The following PTPRM variants were observed in gnomAD, a reference collection of about 807,000 sequenced individuals.
PTPRM encodes the protein protein tyrosine phosphatase receptor type M, also known as receptor-type tyrosine-protein phosphatase mu.
In PTPRM, 47 loss-of-function variants were observed where a neutral mutation model predicts 186.7. The ratio of observed to expected loss-of-function variants is 0.25; its 90% confidence interval spans 0.20 to 0.32. The LOEUF (loss-of-function observed/expected upper bound fraction) is 0.32. Among genes scored for constraint, PTPRM ranks in the 10% least tolerant of loss-of-function variants. The pLI, the probability that PTPRM is intolerant of heterozygous loss-of-function variation, is 1.00. For missense variants in PTPRM, 1,494 were observed against 1,865.0 expected, an observed-to-expected ratio of 0.80 and a Z score of 3.66; for synonymous variants, 668 against 674.9, an observed-to-expected ratio of 0.99 and a Z score of 0.16.
At chr18:8,303,891 G>A (rs1198079839) in intron 20 of PTPRM, among the ~76,000 whole-genome samples, 1 of 152,168 alleles carries the variant, frequency 6.6e-6, no homozygotes, top group Non-Finnish European at 1.5e-5. Context: ...GGCACACTGG[G>A]TCTCCTGTAG....
intron 23 of PTPRM, among the ~76,000 whole-genome samples, chr18:8,363,976 G>T (rs1268741007): frequency 1.3e-5 from 2 of 152,216 alleles, no homozygotes; most frequent in African/African-American, 4.8e-5. Flanking sequence ...TTGGAAAACA[G>T]ACGCTTTGTG....
intron 5 of PTPRM, among the ~76,000 whole-genome samples, chr18:7,940,970 A>C (rs922620722): frequency 6.6e-6 from 1 of 152,186 alleles, no homozygotes; most frequent in Non-Finnish European, 1.5e-5. Context: ...TATGAAATAA[A>C]ATAAAAAATC....
At position 7,885,264 on chromosome 18, in the gene PTPRM, C is replaced by CT. The variant is rs202087033; in HGVS notation, c.197-2834dup. Among the ~76,000 whole-genome samples, 505 of 151,994 alleles carry CT rather than the reference C, an allele frequency of 3.3e-3. 1 individual carries two copies. Among genetic ancestry groups the CT allele is most frequent in the Middle Eastern group, 0.01 (3 of 294 alleles). On this transcript the variant is annotated intron_variant, in intron 2 of 32. Transcript: ENST00000580170. Reference sequence around the variant, plus strand: ...GTTTGTCTTCTTCATCAGTCCTTTTCTTTTTTTTGTCCTTTTTAAACACAG... The same window carrying CT: ...GTTTGTCTTCTTCATCAGTCCTTTTCTTTTTTTTTGTCCTTTTTAAACACAG...
At chr18:7,781,953 C>T (rs1290930561) in intron 2 of PTPRM, among the ~76,000 whole-genome samples, 2 of 152,124 alleles carry the variant, frequency 1.3e-5, no homozygotes, top group South Asian at 2.1e-4. Flanking sequence ...AGTGAGCATT[C>T]GTCCTCCCTA....
At chr18:8,084,946 T>C (rs2090352770) in intron 9 of PTPRM, among the ~76,000 whole-genome samples, 1 of 152,176 alleles carries the variant, frequency 6.6e-6, no homozygotes, top group East Asian at 1.9e-4. Context: ...TGAAAACTTC[T>C]AGAACTGCAC....
At chr18:8,198,926 C>G (rs6506555) in intron 14 of PTPRM, among the ~76,000 whole-genome samples, 89,703 of 151,948 alleles carry the variant, frequency 0.59, 27,518 homozygotes, top group East Asian at 0.84. Flanking sequence ...AGCAGACAAA[C>G]TCAGGTAATG....
At chr18:8,096,808 A>T (rs868685547) in intron 11 of PTPRM, among the ~76,000 whole-genome samples, 7 of 152,232 alleles carry the variant, frequency 4.6e-5, no homozygotes, top group Non-Finnish European at 8.8e-5. Flanking sequence ...TTTGAGAAAG[A>T]TTAACTGATT....
chr18:7,699,590 A>G (rs1470455695), intron 1 of PTPRM, among the ~76,000 whole-genome samples: 2 of 152,020 alleles, frequency 1.3e-5, no homozygotes, highest in Non-Finnish European at 2.9e-5. Context: ...TGTGTTTTCT[A>G]GTAGAGACGG....
chr18:7,805,024 G>A (rs938368596), intron 2 of PTPRM, among the ~76,000 whole-genome samples: 9 of 152,236 alleles, frequency 5.9e-5, no homozygotes, highest in East Asian at 3.9e-4. Context: ...AAATATATTC[G>A]AGTGTGGTTA....
intron 1 of PTPRM, among the ~76,000 whole-genome samples, chr18:7,768,224 A>T (rs2042103866): frequency 6.6e-6 from 1 of 152,170 alleles, no homozygotes; most frequent in Admixed American, 6.5e-5. Context: ...GGATCTGCGC[A>T]TGGTGGCTCA....
intron 22 of PTPRM, among the ~76,000 whole-genome samples, chr18:8,323,032 T>A (rs1182569948): frequency 6.6e-6 from 1 of 152,188 alleles, no homozygotes; most frequent in Non-Finnish European, 1.5e-5. Flanking sequence ...TAAATCTGTG[T>A]TGTCCAGGCT....
intron 7 of PTPRM, among the ~76,000 whole-genome samples, chr18:7,964,306 C>G (rs2053874514): frequency 6.6e-6 from 1 of 152,140 alleles, no homozygotes; most frequent in Admixed American, 6.5e-5. Flanking sequence ...ACAGTGTTCC[C>G]CTGGGAAACT....
At position 7,567,791 on chromosome 18, in the gene PTPRM, G is replaced by T; in HGVS notation, c.-28G>T. The T allele has an allele frequency of 6.6e-7, 1 of 1,514,538 alleles. No homozygotes were observed. The allele number at this position is 1,514,538 out of a possible 1,614,324, so 93.8% of individuals were successfully genotyped here. On this transcript the variant is annotated 5_prime_UTR_variant, in exon 1 of 33. Coordinates refer to ENST00000580170, the MANE Select transcript of PTPRM (RefSeq NM_001105244.2). The surrounding 1 kb of genome is among the most constrained non-coding windows in gnomAD (Gnocchi z 4.3). ...CTCGCGCGCCCACCCACCGCCGCCG[G>T]GGAGCGGCCCGGCCCGCACTCAGCA... is the stretch of plus-strand genomic sequence containing the variant.
chr18:7,773,423 G>T (rs1393568582), intron 1 of PTPRM, among the ~76,000 whole-genome samples: 1 of 152,034 alleles, frequency 6.6e-6, no homozygotes, highest in South Asian at 2.1e-4. Flanking sequence ...AATTATAAAT[G>T]TTTCTTCTTT....
At chr18:8,175,004 G>A (rs139963175) in intron 14 of PTPRM, among the ~76,000 whole-genome samples, 1 of 152,138 alleles carries the variant, frequency 6.6e-6, no homozygotes, top group African/African-American at 2.4e-5. Context: ...TGTGTCTTCT[G>A]GCTGACACTG....
chr18:8,182,182 T>G (rs2093585293), intron 14 of PTPRM, among the ~76,000 whole-genome samples: 1 of 152,236 alleles, frequency 6.6e-6, no homozygotes, highest in African/African-American at 2.4e-5. Context: ...TTTATATGAT[T>G]ATGGTCCTGA....
intron 19 of PTPRM, among the ~76,000 whole-genome samples, chr18:8,262,509 C>G (rs553127821): frequency 3.2e-4 from 49 of 152,284 alleles, no homozygotes; most frequent in African/African-American, 1.0e-3. Context: ...CTGCCATCCT[C>G]CAGGCCTCCA....
chr18:7,703,711 T>C (rs2040015041), intron 1 of PTPRM, among the ~76,000 whole-genome samples: 1 of 152,190 alleles, frequency 6.6e-6, no homozygotes, highest in Non-Finnish European at 1.5e-5. Flanking sequence ...AGTGATGTGT[T>C]GAATAGGAGT....
chr18:8,069,420 T>TGGG (rs2089319566), intron 7 of PTPRM, among the ~76,000 whole-genome samples: 1 of 152,188 alleles, frequency 6.6e-6, no homozygotes, highest in Non-Finnish European at 1.5e-5. Flanking sequence ...TAAGAACACC[T>TGGG]CTCAGAAACT....
Sources: gnomAD v4.1 joint callset for allele counts (sites outside exome capture counted in the v4.1 genomes callset) on GRCh38, gnomAD v4.1.1 for gene constraint, Gnocchi (gnomAD v3.1) non-coding constraint, MANE v1.5 for transcripts, NCBI Gene and HGNC (gene_info 2026-07-23, HGNC 2026-07-21) for gene names.